MYBPC1: variants seen among roughly 807,000 people sequenced by gnomAD.
MYBPC1 encodes myosin-binding protein C, slow-type.
MYBPC1 carries 52 observed loss-of-function variants against 147.1 expected under a neutral mutation model. That is an observed-to-expected ratio of 0.35 (90% CI 0.28 to 0.45). The LOEUF (loss-of-function observed/expected upper bound fraction) is 0.45, where lower values mean the gene tolerates loss of function less well. Among genes scored for constraint, MYBPC1 ranks in the 20% least tolerant of loss-of-function variants. The pLI is 1.00. For missense variants in MYBPC1, 1,228 were observed against 1,440.3 expected (o/e 0.85, Z 2.39); for synonymous variants, 477 against 475.9 (o/e 1.00, Z -0.03).
downstream of MYBPC1, among the ~76,000 whole-genome samples, chr12:101,690,170 C>T (rs1358252998): frequency 6.6e-6 from 1 of 151,526 alleles, no homozygotes; most frequent in East Asian, 1.9e-4. Context: ...AGTGAGACTC[C>T]ATCTAAAAAA....
intron 18 of MYBPC1, 32 bp downstream of exon 18, chr12:101,653,280 A>C: frequency 6.2e-7 from 1 of 1,611,204 alleles, no homozygotes; most frequent in Non-Finnish European, 8.5e-7. Context: ...ACTCACATGC[A>C]CACACACATA....
At chr12:101,645,346 C>T (rs1357250106) in intron 12 of MYBPC1, among the ~76,000 whole-genome samples, 1 of 152,186 alleles carries the variant, frequency 6.6e-6, no homozygotes, top group Admixed American at 6.5e-5. Flanking sequence ...GGCCTTCTCA[C>T]AGATGGAGAC....
At chr12:101,642,321 T>C (rs1326889736) in intron 10 of MYBPC1, 98 bp from the exon 11 acceptor site, 2 of 1,326,842 alleles carry the variant, frequency 1.5e-6, no homozygotes, top group East Asian at 2.3e-5. Context: ...AACAGAGCTT[T>C]TTTACACTGA....
At chr12:101,602,643 G>A (rs908799428) in intron 1 of MYBPC1, among the ~76,000 whole-genome samples, 2 of 152,120 alleles carry the variant, frequency 1.3e-5, no homozygotes, top group Non-Finnish European at 2.9e-5. Flanking sequence ...ATAAACTGAT[G>A]GCATTTCCCT....
At chr12:101,695,263 ATG>A in the MYBPC1 span, among the ~76,000 whole-genome samples, 3 of 152,190 alleles carry the variant, frequency 2.0e-5, no homozygotes, top group Admixed American at 2.0e-4. Flanking sequence ...TATATGTACT[ATG>A]TTGTTTCTAA....
At chr12:101,683,595 G>T (rs1951163766) in intron 30 of MYBPC1, among the ~76,000 whole-genome samples, 2 of 152,026 alleles carry the variant, frequency 1.3e-5, no homozygotes, top group Admixed American at 1.3e-4. Context: ...AAAATTCCAG[G>T]CTCTATTACA....
At chr12:101,613,248 A>T (rs1257701846) in intron 1 of MYBPC1, among the ~76,000 whole-genome samples, 4 of 152,140 alleles carry the variant, frequency 2.6e-5, no homozygotes, top group Non-Finnish European at 5.9e-5. Context: ...TGCTCATTCC[A>T]GCCTTCCTAG....
chr12:101,689,995 C>A (rs566851547), downstream of MYBPC1, among the ~76,000 whole-genome samples: 1 of 152,102 alleles, frequency 6.6e-6, no homozygotes, highest in Non-Finnish European at 1.5e-5. Context: ...GCCAACATGG[C>A]GAAAACCCGT....
At chr12:101,608,884 G>A (rs1448951542) in intron 1 of MYBPC1, among the ~76,000 whole-genome samples, 1 of 152,154 alleles carries the variant, frequency 6.6e-6, no homozygotes, top group Non-Finnish European at 1.5e-5. Flanking sequence ...TGGCCAGCGG[G>A]AGGGGAACCA....
chr12:101,608,136 T>C (rs1204500042), intron 1 of MYBPC1, among the ~76,000 whole-genome samples: 1 of 151,772 alleles, frequency 6.6e-6, no homozygotes, highest in Non-Finnish European at 1.5e-5. Flanking sequence ...CCACCATAAA[T>C]AGATCTACCC....
intron 28 of MYBPC1, 90 bp downstream of exon 28, chr12:101,678,328 C>T (rs1027956963): frequency 4.2e-5 from 65 of 1,540,318 alleles, no homozygotes; most frequent in Non-Finnish European, 5.4e-5. Context: ...AATCCAGCTG[C>T]TACTTGTGTC....
At chr12:101,630,371 G>A (rs930946096) in intron 6 of MYBPC1, among the ~76,000 whole-genome samples, 2 of 152,202 alleles carry the variant, frequency 1.3e-5, no homozygotes, top group African/African-American at 4.8e-5. Context: ...CTTGGGTTCT[G>A]ATCTTGATTC....
intron 26 of MYBPC1, 117 bp downstream of exon 26, chr12:101,675,548 G>A (rs1258819180): frequency 6.8e-7 from 1 of 1,463,708 alleles, no homozygotes; most frequent in Non-Finnish European, 9.5e-7. Flanking sequence ...GAGAAGTGAT[G>A]TGGCAGAGCA....
intron 1 of MYBPC1, among the ~76,000 whole-genome samples, chr12:101,597,007 C>T (rs1021860865): frequency 9.9e-5 from 15 of 152,070 alleles, no homozygotes; most frequent in African/African-American, 3.6e-4. Flanking sequence ...TTTTTTGGTT[C>T]CCTTACCAGC....
intron 10 of MYBPC1, 36 bp from the exon 11 acceptor site, chr12:101,642,383 C>A (rs1892228469): frequency 6.2e-7 from 1 of 1,609,550 alleles, no homozygotes; most frequent in Non-Finnish European, 8.5e-7. Context: ...AGGGTCAGTG[C>A]AGCTACTAAA....
intron 1 of MYBPC1, among the ~76,000 whole-genome samples, chr12:101,597,421 C>A (rs1877754130): frequency 6.6e-6 from 1 of 152,162 alleles, no homozygotes; most frequent in African/African-American, 2.4e-5. Context: ...GAGGATCTGG[C>A]AACTCCTCAA....
At chr12:101,631,533 T>C (rs764038445) in intron 6 of MYBPC1, 38 bp from the exon 7 acceptor site, 14 of 1,610,492 alleles carry the variant, frequency 8.7e-6, no homozygotes, top group African/African-American at 2.7e-5. Context: ...AAATGACGCT[T>C]GTTAAAGAGC....
Position 101,599,013 on chromosome 12 carries a change from G to A in MYBPC1, c.25+3918G>A, listed in dbSNP as rs187422931. Reference sequence around the variant, plus strand: ...TATATTTAATGTACTTAACTTGTCCGAAAAGGCAAAAGTTCCTCTTTGGTG... The same window carrying A: ...TATATTTAATGTACTTAACTTGTCCAAAAAGGCAAAAGTTCCTCTTTGGTG... On this transcript the variant is annotated intron_variant, in intron 1 of 31. Transcript: ENST00000361466. Among the ~76,000 whole-genome samples the A allele has an allele frequency of 7.9e-5, 12 of 152,228 alleles. No individual in the cohort carries two copies. In the East Asian group the frequency reaches 1.9e-3, roughly 24 times the overall value.
rs752040558 is a variant in MYBPC1 at position 101,617,212 on chromosome 12, A to G, written c.72A>G (p.Lys24=). The G allele has an allele frequency of 6.2e-7, 1 of 1,613,840 alleles. No homozygotes were observed. ...GTACTTTCTACACAGAACCAAGTAA[A>G]GAGAAGGAGGCCGGAACTACACCAG... ...APAPPPEEPS[K]EKEAGTTPAK... Residue 24 remains lysine (K), a synonymous_variant, in exon 3 of 32, where the codon AAA becomes AAG. Coordinates refer to ENST00000361466, the MANE Select transcript of MYBPC1 (RefSeq NM_002465.4).
Sources: allele counts gnomAD v4.1 joint callset (sites outside exome capture counted in the v4.1 genomes callset), GRCh38; gene constraint gnomAD v4.1.1; transcripts MANE v1.5; gene names NCBI Gene and HGNC (gene_info 2026-07-23, HGNC 2026-07-21).